Variants in C8orf34 observed in about 807,000 individuals in gnomAD.
C8orf34 encodes uncharacterized protein C8orf34.
Under a neutral mutation model 68.3 loss-of-function variants are expected in C8orf34, and 65 were observed. The observed-to-expected ratio is 0.95, with a 90% CI of 0.78 to 1.17. C8orf34 has a LOEUF of 1.17. C8orf34 is among the 50% of genes most tolerant of loss of function. The pLI, the probability that C8orf34 is intolerant of heterozygous loss-of-function variation, is 0.00. For synonymous variants in C8orf34, 244 were observed against 241.2 expected, an observed-to-expected ratio of 1.01 and a Z score of -0.11; for missense variants, 664 against 655.4, an observed-to-expected ratio of 1.01 and a Z score of -0.14.
intron 10 of C8orf34, among the ~76,000 whole-genome samples, chr8:68,763,987 G>T (rs746361885): frequency 6.6e-6 from 1 of 152,198 alleles, no homozygotes; most frequent in African/African-American, 2.4e-5. Context: ...TTTCACTAGA[G>T]ATCCCAAGCC....
intron 1 of C8orf34, among the ~76,000 whole-genome samples, chr8:68,416,716 A>G (rs993721502): frequency 2.0e-5 from 3 of 151,756 alleles, no homozygotes; most frequent in Non-Finnish European, 4.4e-5. Context: ...TTTTCAGTAG[A>G]GGTGGGGTTT....
At chr8:68,518,754 G>A (rs1414436991) in intron 5 of C8orf34, among the ~76,000 whole-genome samples, 1 of 151,948 alleles carries the variant, frequency 6.6e-6, no homozygotes, top group Non-Finnish European at 1.5e-5. Context: ...AAATTAGCTG[G>A]GCATGGTGGT....
chr8:68,354,389 C>G (rs754390301), intron 1 of C8orf34, among the ~76,000 whole-genome samples: 1 of 151,906 alleles, frequency 6.6e-6, no homozygotes, highest in East Asian at 1.9e-4. Flanking sequence ...TTGCCCAGAC[C>G]GGGGTGCAGT....
At chr8:68,439,331 G>A (rs1810797640) in intron 1 of C8orf34, 168 bp from the exon 2 acceptor site, 4 of 531,488 alleles carry the variant, frequency 7.5e-6, no homozygotes, top group Non-Finnish European at 1.3e-5. Context: ...TCCTCAGAAT[G>A]AGGGCAGTAA....
chr8:68,793,393 G>C (rs1306619403), intron 12 of C8orf34, among the ~76,000 whole-genome samples: 1 of 152,122 alleles, frequency 6.6e-6, no homozygotes, highest in African/African-American at 2.4e-5. Flanking sequence ...AAAAATAGTT[G>C]ATTCCAGAAG....
chr8:68,643,014 C>T (rs986004529), intron 8 of C8orf34, among the ~76,000 whole-genome samples: 5 of 152,190 alleles, frequency 3.3e-5, no homozygotes, highest in African/African-American at 1.2e-4. Flanking sequence ...TGCCGCTAAC[C>T]TCCTGCTGTG....
At chr8:68,466,696 A>T (rs1441747004) in intron 3 of C8orf34, among the ~76,000 whole-genome samples, 1 of 148,434 alleles carries the variant, frequency 6.7e-6, no homozygotes, top group Non-Finnish European at 1.5e-5. Flanking sequence ...TTGCTAAAAT[A>T]AACAAAGTCT....
chr8:68,798,288 C>CT (rs10690187), intron 12 of C8orf34, among the ~76,000 whole-genome samples: 24,310 of 124,994 alleles, frequency 0.19, 2,997 homozygotes, highest in African/African-American at 0.34. Context: ...TTATGTCTGG[C>CT]TTTTTTTTTT....
chr8:68,787,107 G>C (rs1004695513), intron 11 of C8orf34, among the ~76,000 whole-genome samples: 17 of 152,090 alleles, frequency 1.1e-4, no homozygotes, highest in African/African-American at 4.1e-4. Context: ...TGGCAAAGAG[G>C]CACATTTTAT....
intron 1 of C8orf34, among the ~76,000 whole-genome samples, chr8:68,379,214 A>T (rs188557408): frequency 1.9e-4 from 29 of 152,350 alleles, no homozygotes; most frequent in Admixed American, 6.5e-4. Flanking sequence ...GAGAGAAAAG[A>T]TGATGGAATG....
At chr8:68,332,366 G>T (rs1453171500) in intron 1 of C8orf34, among the ~76,000 whole-genome samples, 1 of 97,422 alleles carries the variant, frequency 1.0e-5, no homozygotes, top group African/African-American at 3.9e-5. Flanking sequence ...CCTTGCCCCC[G>T]CCTTGCCCCC....
Position 68,765,793 on chromosome 8 carries a change from T to C in C8orf34, c.1405-10606T>C, listed in dbSNP as rs113340538. On this transcript the variant is annotated intron_variant, in intron 10 of 13. Coordinates refer to ENST00000518698, the MANE Select transcript of C8orf34 (RefSeq NM_052958.4). ...CATTTTCTCTAAATCACTTGTGTAA[T>C]TAATTAAAAAATAGAAATTTAGGCC... is the stretch of plus-strand genomic sequence containing the variant. 1.9e-3 allele frequency among the ~76,000 whole-genome samples: 282 copies of C among 152,348 alleles called. 3 individuals carry two copies. Among genetic ancestry groups the C allele is most frequent in the African/African-American group, 6.6e-3 (275 of 41,584 alleles).
chr8:68,576,141 T>TACAC (rs112048534), intron 7 of C8orf34, among the ~76,000 whole-genome samples: 4,844 of 149,200 alleles, frequency 0.032, 280 homozygotes, highest in African/African-American at 0.11. Flanking sequence ...ATATTCTTTT[T>TACAC]ACACACACAC....
At chr8:68,486,745 G>C (rs4481578) in intron 4 of C8orf34, among the ~76,000 whole-genome samples, 56,866 of 152,040 alleles carry the variant, frequency 0.37, 11,045 homozygotes, top group African/African-American at 0.42. Context: ...TCTTTCTACT[G>C]AGGTTCATTG....
At chr8:68,610,725 G>A (rs1271909783) in intron 7 of C8orf34, among the ~76,000 whole-genome samples, 1 of 151,842 alleles carries the variant, frequency 6.6e-6, no homozygotes, top group Non-Finnish European at 1.5e-5. Flanking sequence ...AAACAGTCAG[G>A]GACTAAGTAA....
chr8:68,603,571 A>G (rs186275470), intron 7 of C8orf34, among the ~76,000 whole-genome samples: 1 of 107,950 alleles, frequency 9.3e-6, no homozygotes, highest in Non-Finnish European at 1.8e-5. Flanking sequence ...CTATCTATCT[A>G]TCTTTGATCT....
chr8:68,554,525 C>G (rs1022744778), intron 7 of C8orf34, among the ~76,000 whole-genome samples: 3 of 151,996 alleles, frequency 2.0e-5, no homozygotes, highest in African/African-American at 7.2e-5. Flanking sequence ...TTTCCTATCT[C>G]AGCTGCTATT....
chr8:68,729,340 G>A (rs1821917593), intron 10 of C8orf34, among the ~76,000 whole-genome samples: 1 of 152,150 alleles, frequency 6.6e-6, no homozygotes, highest in South Asian at 2.1e-4. Context: ...TATGTTAAAA[G>A]AGGAATTCAA....
chr8:68,443,765 CT>C (rs1772326641), intron 2 of C8orf34, among the ~76,000 whole-genome samples: 1 of 152,102 alleles, frequency 6.6e-6, no homozygotes, highest in African/African-American at 2.4e-5. Flanking sequence ...GGGTATCATA[CT>C]TTTCAGAAAT....
Sources: allele counts gnomAD v4.1 joint callset (sites outside exome capture counted in the v4.1 genomes callset), GRCh38; gene constraint gnomAD v4.1.1; transcripts MANE v1.5; gene names NCBI Gene and HGNC (gene_info 2026-07-23, HGNC 2026-07-21).